CKMT2: variants seen among roughly 807,000 people sequenced by gnomAD.
The protein encoded by CKMT2 is creatine kinase, mitochondrial 2, also known as creatine kinase S-type, mitochondrial.
Under a neutral mutation model 48.9 loss-of-function variants are expected in CKMT2, and 43 were observed. That is an observed-to-expected ratio of 0.88 (90% CI 0.69 to 1.13). CKMT2 has a LOEUF of 1.13. Ranked by LOEUF, CKMT2 falls within the 50% of genes most tolerant of loss-of-function variation. The probability of loss-of-function intolerance (pLI) is 0.00; values close to 1 mark genes in which losing one functional copy is unlikely to be tolerated. For synonymous variants in CKMT2, 206 were observed against 213.0 expected (o/e 0.97, Z 0.29); for missense variants, 472 against 555.4 (o/e 0.85, Z 1.51).
At chr5:81,260,831 T>C (rs1015903336) in intron 8 of CKMT2, among the ~76,000 whole-genome samples, 9 of 151,818 alleles carry the variant, frequency 5.9e-5, no homozygotes, top group African/African-American at 1.7e-4. Flanking sequence ...TTCCAAACAA[T>C]AGAAAAAGAG....
chr5:81,263,668 A>G, intron 9 of CKMT2, 52 bp downstream of exon 9: 1 of 1,529,094 alleles, frequency 6.5e-7, no homozygotes, highest in East Asian at 2.4e-5. Context: ...AGCCTAAGAG[A>G]GAATAGAGAA....
At chr5:81,255,661 C>T (rs2112811594) in intron 5 of CKMT2, among the ~76,000 whole-genome samples, 1 of 152,236 alleles carries the variant, frequency 6.6e-6, no homozygotes, top group Non-Finnish European at 1.5e-5. Context: ...GTGGAGCAAG[C>T]CTCTGCATTT....
chr5:81,236,289 G>C (rs1190846519), intron 1 of CKMT2, among the ~76,000 whole-genome samples: 1 of 152,134 alleles, frequency 6.6e-6, no homozygotes, highest in Non-Finnish European at 1.5e-5. Context: ...AAGCCACAGG[G>C]GTGGTTTCCC....
At chr5:81,249,251 G>T (rs1356710503) in intron 1 of CKMT2, among the ~76,000 whole-genome samples, 1 of 152,008 alleles carries the variant, frequency 6.6e-6, no homozygotes, top group African/African-American at 2.4e-5. Flanking sequence ...TAGAGACAGG[G>T]TTTTGCTGTC....
chr5:81,244,121 C>G (rs138255296), intron 1 of CKMT2: 1 of 985,398 alleles, frequency 1.0e-6, no homozygotes, highest in African/African-American at 1.7e-5. Context: ...AACCGTCTGC[C>G]GGTGACTGGG....
In CKMT2 at chr5:81,266,380, T is replaced by C. The variant is rs913922707; in HGVS notation, c.*122T>C. 2 of 899,984 alleles carry C rather than the reference T, an allele frequency of 2.2e-6. No individual in the cohort carries two copies. Among genetic ancestry groups the C allele is most frequent in the Admixed American group, 2.5e-5 (1 of 39,974 alleles). 55.7% of individuals were successfully genotyped at this position (899,984 alleles called of 1,614,324 possible). A position where few individuals can be genotyped will look rare whatever the true frequency, so the allele number is the denominator to read the frequency against. On this transcript the variant is annotated 3_prime_UTR_variant, in exon 10 of 10. Transcript: ENST00000254035. ...TTGTAGATCCTGCCTATCTTTACAA[T>C]AAAACTCTCCTTAATATATCTTTGC...
chr5:81,263,575 G>T lies in CKMT2; in HGVS notation c.1099G>T (p.Val367Leu). ...TGTGGACACTGCCGCGGTCGCAGAT[G>T]TGTACGACATTTCCAACATAGATAG... ...GGVDTAAVAD[V>L]YDISNIDRIG... The change falls in exon 9 of 10, where the codon GTG (valine) becomes TTG (leucine). Residue 367 changes from valine (V) to leucine (L), a missense_variant. Coordinates refer to ENST00000254035, the MANE Select transcript of CKMT2 (RefSeq NM_001099735.2). The T allele has an allele frequency of 6.2e-7, 1 of 1,612,880 alleles. No homozygotes were observed. Among genetic ancestry groups the T allele is most frequent in the Non-Finnish European group, 8.5e-7 (1 of 1,179,296 alleles).
At chr5:81,251,828 G>A (rs1756826520) in intron 2 of CKMT2, 1 of 153,276 alleles carries the variant, frequency 6.5e-6, no homozygotes, top group African/African-American at 2.4e-5. Context: ...AATGGGGATA[G>A]TTAACATTTG....
chr5:81,256,120 T>G (rs1757000464), intron 5 of CKMT2, among the ~76,000 whole-genome samples: 2 of 152,170 alleles, frequency 1.3e-5, no homozygotes, highest in Non-Finnish European at 2.9e-5. Context: ...TTTGAATATA[T>G]CTCTCTGTAG....
chr5:81,256,139 T>G (rs967389003), intron 5 of CKMT2, among the ~76,000 whole-genome samples: 2 of 152,174 alleles, frequency 1.3e-5, no homozygotes, highest in African/African-American at 4.8e-5. Flanking sequence ...AGAGTATGTG[T>G]GTAACTATGC....
chr5:81,250,726 C>G (rs1308458599), intron 1 of CKMT2: 1 of 152,746 alleles, frequency 6.5e-6, no homozygotes, highest in African/African-American at 2.4e-5. Flanking sequence ...AGAAATCCAT[C>G]CTGTTCAGGG....
chr5:81,246,538 C>A (rs1230287078), intron 1 of CKMT2, among the ~76,000 whole-genome samples: 2 of 152,212 alleles, frequency 1.3e-5, no homozygotes, highest in Non-Finnish European at 2.9e-5. Context: ...GACTGTCTGC[C>A]ACAAATGAAT....
At position 81,254,818 on chromosome 5, in the gene CKMT2, G is replaced by C. The variant is rs557293043; in HGVS notation, c.448-175G>C. ...TATAAAACAGCTTTCCCCTTTACTA[G>C]TCGAAGGTCCGTGCCCCAAGACTTC... On this transcript the variant is annotated intron_variant, in intron 4 of 9. Coordinates refer to ENST00000254035, the MANE Select transcript of CKMT2 (RefSeq NM_001099735.2). 8 of 632,178 alleles carry C rather than the reference G, an allele frequency of 1.3e-5. No individual in the cohort carries two copies. In the African/African-American group the frequency reaches 1.5e-4, roughly 12 times the overall value. 39.2% of individuals were successfully genotyped at this position (632,178 alleles called of 1,614,324 possible).
rs199560112 is a variant in CKMT2 at position 81,252,889 on chromosome 5, A to G, written c.347A>G (p.Tyr116Cys). 1.2e-5 allele frequency: 20 copies of G among 1,614,128 alleles called. No homozygotes were observed. The highest frequency in any genetic ancestry group is 8.9e-5 in the East Asian group (4 of 44,892). Residue 116 changes from tyrosine to cysteine, a missense_variant, in exon 3 of 10, where the codon TAT (tyrosine) becomes TGT (cysteine). Coordinates refer to ENST00000254035, the MANE Select transcript of CKMT2 (RefSeq NM_001099735.2). ...ATGGTGGCTGGTGACGAGGAGTCCT[A>G]TGAGGTAAAACTATTGGCTGCTGGT... Reference protein sequence around the residue: ...VGMVAGDEESYEVFADLFDPV... With the variant: ...VGMVAGDEESCEVFADLFDPV...
At chr5:81,259,013 A>C in intron 7 of CKMT2, 107 bp from the exon 8 acceptor site, 1 of 1,060,536 alleles carries the variant, frequency 9.4e-7, no homozygotes, top group South Asian at 2.0e-5. Flanking sequence ...CCTTAATTTC[A>C]TTCATGCCAG....
intron 1 of CKMT2, 128 bp downstream of exon 1, chr5:81,233,505 G>A (rs180756693): frequency 3.1e-6 from 2 of 638,152 alleles, no homozygotes; most frequent in Admixed American, 6.3e-5. Context: ...CTGACTGCGA[G>A]GAGGCAATGG....
At chr5:81,242,605 C>A in intron 1 of CKMT2, 1 of 320,734 alleles carries the variant, frequency 3.1e-6, no homozygotes, top group Admixed American at 3.4e-5. Flanking sequence ...TTCTGGTTGC[C>A]CAGCATGCCA....
intron 7 of CKMT2, among the ~76,000 whole-genome samples, chr5:81,258,735 G>A (rs942607343): frequency 2.0e-4 from 30 of 152,166 alleles, no homozygotes; most frequent in Admixed American, 2.0e-3. Context: ...TGTGAACTGC[G>A]CATGTGAGGG....
chr5:81,256,890 C>CTGCT, intron 5 of CKMT2, 25 bp from the exon 6 acceptor site: 2 of 1,567,942 alleles, frequency 1.3e-6, no homozygotes, highest in Non-Finnish European at 1.8e-6. Flanking sequence ...TCTCTCCTCT[C>CTGCT]TGCTTTATCC....
Sources: allele counts gnomAD v4.1 joint callset (sites outside exome capture counted in the v4.1 genomes callset), GRCh38; gene constraint gnomAD v4.1.1; transcripts MANE v1.5; gene names NCBI Gene and HGNC (gene_info 2026-07-23, HGNC 2026-07-21).